The following STK3 variants were observed in gnomAD, a reference collection of about 807,000 sequenced individuals.
STK3 encodes serine/threonine-protein kinase 3.
Under a neutral mutation model 58.0 loss-of-function variants are expected in STK3, and 41 were observed. That is an observed-to-expected ratio of 0.71 (90% CI 0.55 to 0.92). STK3 has a LOEUF of 0.92. Ranked by LOEUF, STK3 falls within the 40% of genes least tolerant of loss-of-function variation. STK3 has a pLI of 0.00. For missense variants in STK3, 479 were observed against 602.7 expected, an observed-to-expected ratio of 0.79 and a Z score of 2.15; for synonymous variants, 170 against 191.0, an observed-to-expected ratio of 0.89 and a Z score of 0.91.
chr8:98,885,815 C>T (rs1318105011), intron 1 of STK3, among the ~76,000 whole-genome samples: 1 of 152,172 alleles, frequency 6.6e-6, no homozygotes, highest in Admixed American at 6.5e-5. Flanking sequence ...TTCAAATGTC[C>T]TTCAGTTGGG....
intron 1 of STK3, among the ~76,000 whole-genome samples, chr8:98,386,167 A>G (rs1485552130): frequency 6.6e-6 from 1 of 152,184 alleles, no homozygotes; most frequent in Non-Finnish European, 1.5e-5. Flanking sequence ...ATCGATACCT[A>G]CTAAAATGAT....
chr8:98,872,513 C>T (rs1306930654), intron 3 of STK3, among the ~76,000 whole-genome samples: 2 of 152,210 alleles, frequency 1.3e-5, no homozygotes, highest in African/African-American at 4.8e-5. Context: ...GCCTCAATTT[C>T]AGAACCTGTT....
chr8:98,428,520 G>T lies in STK3; in HGVS notation n.483+5607C>A. The T allele has an allele frequency of 6.2e-7, 1 of 1,614,104 alleles. No homozygotes were observed. Among genetic ancestry groups the T allele is most frequent in the Non-Finnish European group, 8.5e-7 (1 of 1,180,036 alleles). ...GCTGTGGCTGGCGCTGGACAACCCC[G>T]GCTACTCAGTGCTGAGCAGGGTCTT... is the stretch of plus-strand genomic sequence containing the variant. On this transcript the variant is annotated intron_variant and non_coding_transcript_variant, in intron 3 of 3. Transcript: ENST00000517832. The surrounding 1 kb of genome is among the most constrained non-coding windows in gnomAD (Gnocchi z 6.7).
intron 3 of STK3, among the ~76,000 whole-genome samples, chr8:98,762,315 G>A (rs758438809): frequency 6.6e-6 from 1 of 152,122 alleles, no homozygotes; most frequent in Non-Finnish European, 1.5e-5. Flanking sequence ...GAGTGCAATG[G>A]CACAGTCTTG....
intron 7 of STK3, 136 bp from the exon 8 acceptor site, chr8:98,579,925 T>C: frequency 1.2e-6 from 1 of 839,976 alleles, no homozygotes; most frequent in East Asian, 3.2e-5. Context: ...ATTAAATGTA[T>C]AGGTTAAGAA....
intron 1 of STK3, among the ~76,000 whole-genome samples, chr8:98,818,538 ATGTGTGTG>A (rs72513007): frequency 3.9e-4 from 57 of 145,420 alleles, no homozygotes; most frequent in Admixed American, 2.6e-3. Flanking sequence ...TAAATTATAA[ATGTGTGTG>A]TGTGTGTGTG....
chr8:98,626,794 A>G (rs1021281550), intron 6 of STK3, among the ~76,000 whole-genome samples: 5 of 152,202 alleles, frequency 3.3e-5, no homozygotes, highest in African/African-American at 1.2e-4. Context: ...GATCTCACCA[A>G]TCTTCCTCCT....
intron 1 of STK3, among the ~76,000 whole-genome samples, chr8:98,386,709 G>A (rs1160245113): frequency 2.0e-5 from 3 of 152,192 alleles, no homozygotes; most frequent in Non-Finnish European, 4.4e-5. Flanking sequence ...AGCGGGCATG[G>A]TGGCTTACGT....
intron 1 of STK3, among the ~76,000 whole-genome samples, chr8:98,792,776 AAAG>A (rs1832886443): frequency 6.6e-6 from 1 of 152,198 alleles, no homozygotes; most frequent in South Asian, 2.1e-4. Flanking sequence ...ACCCAGAGGA[AAAG>A]AAGTCATTAT....
intron 2 of STK3, among the ~76,000 whole-genome samples, chr8:98,371,956 G>A (rs1476178660): frequency 6.6e-6 from 1 of 152,148 alleles, no homozygotes; most frequent in African/African-American, 2.4e-5. Flanking sequence ...ATCAAGTTAA[G>A]ATAAAGTCAT....
chr8:98,546,946 C>G (rs763143306), intron 9 of STK3, among the ~76,000 whole-genome samples: 11 of 152,070 alleles, frequency 7.2e-5, no homozygotes, highest in Non-Finnish European at 1.5e-4. Context: ...TACTGAGCCA[C>G]GTGACTTGAA....
Position 98,428,581 on chromosome 8 carries a change from T to C in STK3, n.483+5546A>G. ...TCCATCCTGGTGGTGATGGGGTCCATCATCACCATGTGCCTCAATAGCCTG... is the reference window on the plus strand; with the variant it reads ...TCCATCCTGGTGGTGATGGGGTCCACCATCACCATGTGCCTCAATAGCCTG... On this transcript the variant is annotated intron_variant and non_coding_transcript_variant, in intron 3 of 3. Coordinates refer to the STK3 transcript ENST00000517832. This position sits in a 1 kb window ranked among gnomAD's most constrained non-coding sequence, Gnocchi z 6.7. 1 of 1,614,114 alleles carries C rather than the reference T, an allele frequency of 6.2e-7. No individual in the cohort carries two copies. Among genetic ancestry groups the C allele is most frequent in the Non-Finnish European group, 8.5e-7 (1 of 1,180,012 alleles).
chr8:98,349,889 C>T, the STK3 span, among the ~76,000 whole-genome samples: 1 of 152,020 alleles, frequency 6.6e-6, no homozygotes, highest in Non-Finnish European at 1.5e-5. Context: ...TTCTCCTAGG[C>T]CTCCAGGCCT....
chr8:98,772,264 T>C lies in STK3; in HGVS notation c.107+2475A>G, dbSNP rs182582184. Among the ~76,000 whole-genome samples the C allele has an allele frequency of 8.6e-3, 1,309 of 152,348 alleles. 9 individuals carry two copies. Among genetic ancestry groups the C allele is most frequent in the African/African-American group, 0.03 (1,233 of 41,570 alleles). On this transcript the variant is annotated intron_variant, in intron 2 of 10. Transcript: ENST00000419617. Reference sequence around the variant, plus strand: ...CAGTGATATGGTTTGCATATTTGTCTTCTCCAAATCTCATTTTGAAATGTA... The same window carrying C: ...CAGTGATATGGTTTGCATATTTGTCCTCTCCAAATCTCATTTTGAAATGTA...
chr8:98,393,094 T>C (rs1310915984), upstream of STK3, among the ~76,000 whole-genome samples: 11 of 152,170 alleles, frequency 7.2e-5, no homozygotes, highest in Admixed American at 7.2e-4. Flanking sequence ...GACACTAATA[T>C]GCAGGAGGCT....
chr8:98,516,289 T>C (rs1044165375), intron 10 of STK3, among the ~76,000 whole-genome samples: 1 of 151,968 alleles, frequency 6.6e-6, no homozygotes, highest in Non-Finnish European at 1.5e-5. Context: ...GTAACTGATA[T>C]ACAATATGGA....
At chr8:98,787,355 T>G (rs1342953057) in intron 1 of STK3, among the ~76,000 whole-genome samples, 1 of 151,392 alleles carries the variant, frequency 6.6e-6, no homozygotes, top group Non-Finnish European at 1.5e-5. Context: ...AGACAAGGTT[T>G]TTGAATTAAC....
rs550330475 is a variant in STK3 at position 98,645,643 on chromosome 8, T to C, written c.685-49474A>G. Among the ~76,000 whole-genome samples, 10 of 152,306 alleles carry C rather than the reference T, an allele frequency of 6.6e-5. 1 individual carries two copies. The East Asian group carries it at 1.5e-3, about 23-fold the overall frequency. On this transcript the variant is annotated intron_variant, in intron 6 of 10. Transcript: ENST00000419617. ...ACTTTATGACAGAGTGTGTGATTCA[T>C]TCATCTTTTAATTCCTAGTGCTTGA... is the stretch of plus-strand genomic sequence containing the variant.
upstream of STK3, among the ~76,000 whole-genome samples, chr8:98,827,807 A>G (rs1049743782): frequency 5.3e-5 from 8 of 152,080 alleles, no homozygotes; most frequent in African/African-American, 1.4e-4. Context: ...ATGCCCGGCT[A>G]CAAAATTTTA....
Sources: gnomAD v4.1 joint callset for allele counts (sites outside exome capture counted in the v4.1 genomes callset) on GRCh38, gnomAD v4.1.1 for gene constraint, Gnocchi (gnomAD v3.1) non-coding constraint, MANE v1.5 for transcripts, NCBI Gene and HGNC (gene_info 2026-07-23, HGNC 2026-07-21) for gene names.